The following CTNND2 variants were observed in gnomAD, a reference collection of about 807,000 sequenced individuals.
CTNND2 encodes the protein catenin delta 2.
In CTNND2, 22 loss-of-function variants were observed where a neutral mutation model predicts 144.4. That is an observed-to-expected ratio of 0.15 (90% CI 0.11 to 0.22). The LOEUF (loss-of-function observed/expected upper bound fraction) is 0.22. Among genes scored for constraint, CTNND2 ranks in the 10% least tolerant of loss-of-function variants. The pLI, the probability that CTNND2 is intolerant of heterozygous loss-of-function variation, is 1.00. For missense variants in CTNND2, 1,353 were observed against 1,618.8 expected, an observed-to-expected ratio of 0.84 and a Z score of 2.82; for synonymous variants, 751 against 695.6, an observed-to-expected ratio of 1.08 and a Z score of -1.25.
intron 2 of CTNND2, among the ~76,000 whole-genome samples, chr5:11,624,806 T>A (rs1238299565): frequency 1.3e-5 from 2 of 152,080 alleles, no homozygotes; most frequent in African/African-American, 2.4e-5. Context: ...GAATTCCAAA[T>A]TTTTACCAAA....
At chr5:11,691,130 G>A (rs753057215) in intron 2 of CTNND2, among the ~76,000 whole-genome samples, 2 of 152,042 alleles carry the variant, frequency 1.3e-5, no homozygotes, top group African/African-American at 4.8e-5. Context: ...CCAGCACTTC[G>A]GGAGGCCGAG....
At chr5:11,369,267 G>C (rs1757247825) in intron 7 of CTNND2, among the ~76,000 whole-genome samples, 1 of 152,140 alleles carries the variant, frequency 6.6e-6, no homozygotes, top group South Asian at 2.1e-4. Flanking sequence ...TTTTTAGAAA[G>C]GAATAGGGCA....
intron 1 of CTNND2, among the ~76,000 whole-genome samples, chr5:11,775,694 C>T (rs1790213190): frequency 6.6e-6 from 1 of 152,176 alleles, no homozygotes; most frequent in Non-Finnish European, 1.5e-5. Flanking sequence ...AAGCTCTGGG[C>T]CCCGGAAGGG....
intron 12 of CTNND2, among the ~76,000 whole-genome samples, chr5:11,152,284 T>C (rs1220604327): frequency 6.6e-6 from 1 of 152,228 alleles, no homozygotes; most frequent in African/African-American, 2.4e-5. Flanking sequence ...GATTCTTCTA[T>C]TTGCCACTAA....
At chr5:11,302,145 T>C (rs146342718) in intron 9 of CTNND2, among the ~76,000 whole-genome samples, 110 of 152,318 alleles carry the variant, frequency 7.2e-4, no homozygotes, top group African/African-American at 2.5e-3. Context: ...ATATCTGCCC[T>C]CTTTGCTTTT....
At chr5:11,194,184 C>A (rs79339733) in intron 11 of CTNND2, among the ~76,000 whole-genome samples, 5,063 of 152,108 alleles carry the variant, frequency 0.033, 132 homozygotes, top group South Asian at 0.054. Context: ...CAGAGGGGAC[C>A]CTATCCCAGG....
chr5:11,614,796 G>T (rs1780502990), intron 2 of CTNND2, among the ~76,000 whole-genome samples: 1 of 152,164 alleles, frequency 6.6e-6, no homozygotes, highest in South Asian at 2.1e-4. Flanking sequence ...CCAGACAGGG[G>T]AGCCAGACCT....
chr5:11,701,904 G>A (rs1045130542), intron 2 of CTNND2, among the ~76,000 whole-genome samples: 2 of 152,162 alleles, frequency 1.3e-5, no homozygotes, highest in East Asian at 1.9e-4. Context: ...TCGAGTCAAC[G>A]GAAGTTTAAA....
chr5:11,695,443 T>G (rs576683821), intron 2 of CTNND2, among the ~76,000 whole-genome samples: 1 of 152,318 alleles, frequency 6.6e-6, no homozygotes, highest in Non-Finnish European at 1.5e-5. Context: ...TGAATTATTC[T>G]CTACAGAATC....
At chr5:11,780,869 G>A (rs1354345774) in intron 1 of CTNND2, among the ~76,000 whole-genome samples, 4 of 152,158 alleles carry the variant, frequency 2.6e-5, no homozygotes, top group African/African-American at 9.7e-5. Flanking sequence ...GATGACCCAC[G>A]GAGCCACTGC....
At chr5:11,020,451 G>A (rs61751671) in intron 17 of CTNND2, among the ~76,000 whole-genome samples, 60 of 152,000 alleles carry the variant, frequency 3.9e-4, no homozygotes, top group African/African-American at 1.4e-3. Context: ...TATACCTACC[G>A]TTCCCAATTA....
At chr5:11,501,847 T>C (rs1770555246) in intron 3 of CTNND2, among the ~76,000 whole-genome samples, 1 of 150,076 alleles carries the variant, frequency 6.7e-6, no homozygotes, top group South Asian at 2.1e-4. Context: ...GCTAACATGG[T>C]GAAATCCTGT....
At chr5:11,862,939 T>C (rs927660127) in intron 1 of CTNND2, among the ~76,000 whole-genome samples, 4 of 152,098 alleles carry the variant, frequency 2.6e-5, no homozygotes, top group Admixed American at 6.5e-5. Context: ...AAGAGAAAAA[T>C]TCGGGCTAAC....
intron 6 of CTNND2, among the ~76,000 whole-genome samples, chr5:11,394,327 A>T (rs913917874): frequency 6.6e-6 from 1 of 152,190 alleles, no homozygotes; most frequent in Non-Finnish European, 1.5e-5. Flanking sequence ...CATGGCATCA[A>T]TTGGCACATG....
At chr5:11,015,363 G>A (rs943420346) in intron 18 of CTNND2, among the ~76,000 whole-genome samples, 9 of 152,194 alleles carry the variant, frequency 5.9e-5, no homozygotes, top group African/African-American at 2.2e-4. Flanking sequence ...GCATAATTTG[G>A]TAATTATTAA....
intron 9 of CTNND2, among the ~76,000 whole-genome samples, chr5:11,326,939 G>A (rs1035130056): frequency 2.0e-5 from 3 of 152,182 alleles, no homozygotes; most frequent in African/African-American, 4.8e-5. Context: ...CTCCTGGGAC[G>A]CATGCTCGCT....
At chr5:11,902,296 C>T (rs1209557195) in intron 1 of CTNND2, among the ~76,000 whole-genome samples, 1 of 152,200 alleles carries the variant, frequency 6.6e-6, no homozygotes, top group Non-Finnish European at 1.5e-5. Flanking sequence ...TTTAAAGCAT[C>T]TAGTTCGTAT....
chr5:11,681,128 C>T (rs578054416), intron 2 of CTNND2, among the ~76,000 whole-genome samples: 4 of 152,266 alleles, frequency 2.6e-5, no homozygotes, highest in African/African-American at 9.6e-5. Flanking sequence ...ATTCTACCCC[C>T]AGTTGTGTAA....
At chr5:11,390,765 C>T (rs575361068) in intron 6 of CTNND2, among the ~76,000 whole-genome samples, 3 of 152,338 alleles carry the variant, frequency 2.0e-5, no homozygotes, top group Middle Eastern at 3.4e-3. Context: ...TCCAGCTTAA[C>T]GGGATCAGCA....
Sources: gnomAD v4.1 joint callset for allele counts (sites outside exome capture counted in the v4.1 genomes callset) on GRCh38, gnomAD v4.1.1 for gene constraint, MANE v1.5 for transcripts, NCBI Gene and HGNC (gene_info 2026-07-23, HGNC 2026-07-21) for gene names.